The following TERB2 variants were observed in gnomAD, a reference collection of about 807,000 sequenced individuals.
TERB2 encodes the protein telomere repeats-binding bouquet formation protein 2.
Under a neutral mutation model 29.8 loss-of-function variants are expected in TERB2, and 26 were observed. That is an observed-to-expected ratio of 0.87 (90% CI 0.64 to 1.21). TERB2 has a LOEUF of 1.21. Ranked by LOEUF, TERB2 falls within the 50% of genes most tolerant of loss-of-function variation. The probability of loss-of-function intolerance (pLI) is 0.00; values close to 1 mark genes in which losing one functional copy is unlikely to be tolerated. For synonymous variants in TERB2, 80 were observed against 90.8 expected (o/e 0.88, Z 0.68); for missense variants, 240 against 268.6 (o/e 0.89, Z 0.74).
intron 3 of TERB2, among the ~76,000 whole-genome samples, chr15:44,959,725 T>C (rs1039291700): frequency 6.6e-6 from 1 of 152,184 alleles, no homozygotes; most frequent in African/African-American, 2.4e-5. Context: ...ATTCTTGATA[T>C]GTAGGTGGCA....
Position 44,973,871 on chromosome 15 carries a change from GA to G in TERB2, c.443del (p.Lys148SerfsTer4). ...TCTGTATGCTTTATTTTACAGCCCA[GA>G]AAAGCATTTTATAAGAACTCCAGTT... ...EHKKELSKSP[E>X]KHFIRTPVVE... On this transcript the variant is annotated frameshift_variant, in exon 6 of 7. Transcript: ENST00000340827. LOFTEE classifies it high-confidence loss of function. 6.3e-7 allele frequency: 1 copy of G among 1,589,782 alleles called. No individual in the cohort carries two copies. Among genetic ancestry groups the G allele is most frequent in the Non-Finnish European group, 8.6e-7 (1 of 1,166,534 alleles).
rs1892082042 is a variant in TERB2 at position 44,978,757 on chromosome 15, T to C, written c.*129T>C. The C allele has an allele frequency of 8.3e-7, 1 of 1,208,432 alleles. No homozygotes were observed. Among genetic ancestry groups the C allele is most frequent in the Non-Finnish European group, 1.1e-6 (1 of 929,642 alleles). The allele number at this position is 1,208,432 out of a possible 1,614,324, so 74.9% of individuals were successfully genotyped here. A position where few individuals can be genotyped will look rare whatever the true frequency, so the allele number is the denominator to read the frequency against. On this transcript the variant is annotated 3_prime_UTR_variant, in exon 7 of 7. Coordinates refer to ENST00000340827, the MANE Select transcript of TERB2 (RefSeq NM_152448.3). ...GAAATAATTTTTCTGTTTCTCAAAG[T>C]ATATCTTTAGGAAATACAGAATCAT... is the stretch of plus-strand genomic sequence containing the variant.
At chr15:44,965,600 T>A (rs963893370) in intron 4 of TERB2, among the ~76,000 whole-genome samples, 1 of 144,876 alleles carries the variant, frequency 6.9e-6, no homozygotes, top group African/African-American at 2.5e-5. Flanking sequence ...TATAGATTTA[T>A]ATATTTAATA....
chr15:44,963,547 A>T (rs1891838491), intron 4 of TERB2, among the ~76,000 whole-genome samples: 2 of 151,976 alleles, frequency 1.3e-5, no homozygotes. Flanking sequence ...CAATTGGGAA[A>T]ATTTAACAAT....
chr15:44,959,616 C>T (rs1343769509), intron 3 of TERB2, among the ~76,000 whole-genome samples: 2 of 152,180 alleles, frequency 1.3e-5, no homozygotes, highest in Non-Finnish European at 2.9e-5. Context: ...GATCCACCCG[C>T]CTCAGCCCCC....
chr15:44,977,218 C>G (rs1407989250), intron 6 of TERB2, among the ~76,000 whole-genome samples: 2 of 152,064 alleles, frequency 1.3e-5, no homozygotes, highest in Non-Finnish European at 2.9e-5. Context: ...CCTCACAGCT[C>G]GGATGATACG....
chr15:44,962,478 C>T (rs1287475414), intron 4 of TERB2, among the ~76,000 whole-genome samples: 1 of 151,962 alleles, frequency 6.6e-6, no homozygotes, highest in Non-Finnish European at 1.5e-5. Context: ...CGTGAGCCAC[C>T]GCGCCCTGCC....
intron 6 of TERB2, among the ~76,000 whole-genome samples, chr15:44,976,572 T>C (rs1462980809): frequency 6.6e-6 from 1 of 152,204 alleles, no homozygotes; most frequent in Admixed American, 6.5e-5. Context: ...ATTGCATCAC[T>C]TCTGTCATAT....
At chr15:44,976,520 A>G (rs432609) in intron 6 of TERB2, among the ~76,000 whole-genome samples, 114 of 151,730 alleles carry the variant, frequency 7.5e-4, no homozygotes, top group South Asian at 2.5e-3. Flanking sequence ...CGCCCAAGAA[A>G]AAAAGCCATA....
Position 44,978,791 on chromosome 15 carries a change from T to C in TERB2, c.*163T>C. The C allele has an allele frequency of 1.0e-6, 1 of 1,002,210 alleles. No homozygotes were observed. Among genetic ancestry groups the C allele is most frequent in the Non-Finnish European group, 1.3e-6 (1 of 762,686 alleles). 62.1% of individuals were successfully genotyped at this position (1,002,210 alleles called of 1,614,324 possible). ...AGGAAATACAGAATCATTTTGGTTC[T>C]GTGTTTTGACATTTTTCCCCTAGCT... On this transcript the variant is annotated 3_prime_UTR_variant, in exon 7 of 7. Transcript: ENST00000340827.
Position 44,956,814 on chromosome 15 carries a change from T to A in TERB2, c.64+32T>A, listed in dbSNP as rs199691492. The A allele has an allele frequency of 1.8e-4, 284 of 1,612,372 alleles. No individual in the cohort carries two copies. Among genetic ancestry groups the A allele is most frequent in the Non-Finnish European group, 2.1e-4 (247 of 1,178,540 alleles). On this transcript the variant is annotated intron_variant, in intron 1 of 6. Transcript: ENST00000340827. ...AGCTGAGTGGAAGCAGCGGGTTAGG[T>A]GGTGAGGGGAGCATCCTCCTCTCTC...
intron 5 of TERB2, among the ~76,000 whole-genome samples, chr15:44,968,562 A>G (rs1182913197): frequency 7.6e-6 from 1 of 132,048 alleles, no homozygotes; most frequent in Admixed American, 7.6e-5. Flanking sequence ...CTGGCAGCAT[A>G]TGGCATTTCA....
chr15:44,960,969 T>C (rs1219462387), intron 3 of TERB2, among the ~76,000 whole-genome samples: 4 of 151,888 alleles, frequency 2.6e-5, no homozygotes, highest in Admixed American at 1.3e-4. Context: ...TCTATAGCTA[T>C]ATAGACATTA....
intron 5 of TERB2, among the ~76,000 whole-genome samples, chr15:44,969,797 C>CAA (rs34634243): frequency 1.4e-3 from 171 of 123,324 alleles, no homozygotes; most frequent in African/African-American, 3.6e-3. Context: ...GGCCATGTAT[C>CAA]AAAAAAAAAA....
chr15:44,971,932 C>T (rs991086215), intron 5 of TERB2, among the ~76,000 whole-genome samples: 4 of 146,160 alleles, frequency 2.7e-5, no homozygotes, highest in Non-Finnish European at 6.0e-5. Context: ...TGTAGGACCT[C>T]ATCCTGATGA....
intron 5 of TERB2, among the ~76,000 whole-genome samples, chr15:44,968,512 G>T (rs1236946242): frequency 1.3e-5 from 2 of 151,232 alleles, no homozygotes; most frequent in African/African-American, 4.9e-5. Context: ...TAAACCACCC[G>T]TGCCTGGCCG....
chr15:44,974,061 T>C, intron 6 of TERB2, 106 bp downstream of exon 6: 1 of 1,148,926 alleles, frequency 8.7e-7, no homozygotes. Context: ...TAGAGCCTTC[T>C]CTAGTAAGCC....
At chr15:44,973,394 C>A (rs1337862933) in intron 5 of TERB2, among the ~76,000 whole-genome samples, 1 of 151,888 alleles carries the variant, frequency 6.6e-6, no homozygotes, top group East Asian at 1.9e-4. Context: ...AGAAAAAGAC[C>A]CAGGACTCTA....
At chr15:44,959,541 T>A (rs887989150) in intron 3 of TERB2, among the ~76,000 whole-genome samples, 1 of 152,240 alleles carries the variant, frequency 6.6e-6, no homozygotes, top group South Asian at 2.1e-4. Context: ...CTAATTTTTA[T>A]ATTTTTAATA....
Sources: allele counts gnomAD v4.1 joint callset (sites outside exome capture counted in the v4.1 genomes callset), GRCh38; gene constraint gnomAD v4.1.1; transcripts MANE v1.5; gene names NCBI Gene and HGNC (gene_info 2026-07-23, HGNC 2026-07-21).